Variants in FHIT observed in about 807,000 individuals in gnomAD.
The protein encoded by FHIT is bis(5'-adenosyl)-triphosphatase.
In FHIT, 19 loss-of-function variants were observed where a neutral mutation model predicts 17.9. The observed-to-expected ratio is 1.06, with a 90% CI of 0.74 to 1.56. The LOEUF is 1.56. Ranked by LOEUF, FHIT falls within the 40% of genes most tolerant of loss-of-function variation. FHIT has a pLI of 0.00. For synonymous variants in FHIT, 81 were observed against 69.7 expected (o/e 1.16, Z -0.81); for missense variants, 248 against 189.2 (o/e 1.31, Z -1.82).
intron 8 of FHIT, among the ~76,000 whole-genome samples, chr3:59,903,051 A>C (rs1285302982): frequency 2.0e-5 from 3 of 152,226 alleles, no homozygotes; most frequent in African/African-American, 7.2e-5. Context: ...ATCATCACAC[A>C]GTATATCTTA....
chr3:60,686,856 T>C (rs781806599), intron 4 of FHIT, among the ~76,000 whole-genome samples: 2 of 152,154 alleles, frequency 1.3e-5, no homozygotes, highest in African/African-American at 2.4e-5. Context: ...CTCAGGATAA[T>C]AGTCATAAGA....
chr3:61,209,154 T>A (rs1486805991), intron 1 of FHIT, among the ~76,000 whole-genome samples: 1 of 152,128 alleles, frequency 6.6e-6, no homozygotes, highest in Non-Finnish European at 1.5e-5. Context: ...CCCCACTCTC[T>A]TCTGGCTTGT....
intron 3 of FHIT, among the ~76,000 whole-genome samples, chr3:60,848,298 A>T (rs1327268164): frequency 6.6e-6 from 1 of 152,162 alleles, no homozygotes; most frequent in Non-Finnish European, 1.5e-5. Flanking sequence ...GTTTTCATTT[A>T]GAAACTATTG....
chr3:60,083,107 T>G lies in FHIT; in HGVS notation c.104-68955A>C, dbSNP rs768719106. On this transcript the variant is annotated intron_variant, in intron 5 of 9. Transcript: ENST00000492590. Reference sequence around the variant, plus strand: ...TTTTTATAGTTTAAGGTCTTACATTTAAATATTTAGTCAATTTTGAGGTAA... The same window carrying G: ...TTTTTATAGTTTAAGGTCTTACATTGAAATATTTAGTCAATTTTGAGGTAA... Among the ~76,000 whole-genome samples the G allele has an allele frequency of 7.2e-5, 11 of 152,310 alleles. No individual in the cohort carries two copies. In the East Asian group the frequency reaches 1.3e-3, roughly 19 times the overall value.
At chr3:59,983,764 T>C (rs79115389) in intron 7 of FHIT, among the ~76,000 whole-genome samples, 111 of 152,146 alleles carry the variant, frequency 7.3e-4, no homozygotes, top group African/African-American at 2.5e-3. Context: ...CAGAGAAGAA[T>C]GAGAGGATTG....
At chr3:60,332,947 C>A (rs2106861821) in intron 5 of FHIT, among the ~76,000 whole-genome samples, 1 of 152,244 alleles carries the variant, frequency 6.6e-6, no homozygotes, top group Admixed American at 6.5e-5. Context: ...ACTTTAAAAA[C>A]TTTAGGAACA....
intron 7 of FHIT, among the ~76,000 whole-genome samples, chr3:59,938,754 A>G (rs1198805798): frequency 2.6e-5 from 4 of 152,210 alleles, no homozygotes; most frequent in Non-Finnish European, 4.4e-5. Context: ...TCTTTTCAAA[A>G]TAAGTTTGAA....
At chr3:61,191,080 A>AT (rs2038700912) in intron 2 of FHIT, among the ~76,000 whole-genome samples, 1 of 150,460 alleles carries the variant, frequency 6.6e-6, no homozygotes. Context: ...TTAAAGTATA[A>AT]TAAAAAAAAA....
At chr3:61,097,878 A>G (rs1359938090) in intron 2 of FHIT, among the ~76,000 whole-genome samples, 11 of 151,764 alleles carry the variant, frequency 7.2e-5, no homozygotes, top group Admixed American at 7.2e-4. Context: ...GTTTGCAAAA[A>G]TTTTCTCCCA....
intron 4 of FHIT, among the ~76,000 whole-genome samples, chr3:60,729,264 A>G (rs1165519116): frequency 6.6e-6 from 1 of 152,250 alleles, no homozygotes; most frequent in Non-Finnish European, 1.5e-5. Context: ...AAGAGTGGAG[A>G]AAGTGGATGC....
At position 60,163,864 on chromosome 3, in the gene FHIT, T is replaced by C. The variant is rs116563728; in HGVS notation, c.104-149712A>G. 9.1e-3 allele frequency among the ~76,000 whole-genome samples: 1,384 copies of C among 152,278 alleles called. 26 individuals carry two copies. Among genetic ancestry groups the C allele is most frequent in the African/African-American group, 0.031 (1,293 of 41,566 alleles). On this transcript the variant is annotated intron_variant, in intron 5 of 9. Coordinates refer to ENST00000492590, the MANE Select transcript of FHIT (RefSeq NM_002012.4). Reference sequence around the variant, plus strand: ...CTCCTAGTTGGGAAACACTGATCTATTGCTCTTTAGAATCACTTTCCTTAT... The same window carrying C: ...CTCCTAGTTGGGAAACACTGATCTACTGCTCTTTAGAATCACTTTCCTTAT...
intron 8 of FHIT, among the ~76,000 whole-genome samples, chr3:59,820,693 G>C (rs193234866): frequency 1.4e-4 from 22 of 152,260 alleles, no homozygotes; most frequent in Admixed American, 1.4e-3. Flanking sequence ...TTTGTCACTG[G>C]GTACCTTGCA....
chr3:60,578,391 C>A (rs1456613616), intron 4 of FHIT, among the ~76,000 whole-genome samples: 1 of 149,914 alleles, frequency 6.7e-6, no homozygotes, highest in Non-Finnish European at 1.5e-5. Flanking sequence ...GAGCCGAGAT[C>A]TCACCACTGC....
intron 5 of FHIT, among the ~76,000 whole-genome samples, chr3:60,234,472 C>T (rs539501244): frequency 3.3e-5 from 5 of 152,004 alleles, no homozygotes; most frequent in Admixed American, 1.3e-4. Flanking sequence ...ATTCTGATAC[C>T]GAATATATAA....
intron 3 of FHIT, among the ~76,000 whole-genome samples, chr3:60,868,537 T>C (rs1483257703): frequency 6.6e-6 from 1 of 152,140 alleles, no homozygotes; most frequent in Non-Finnish European, 1.5e-5. Flanking sequence ...AAGAAGCCCT[T>C]TCTCATACAA....
intron 5 of FHIT, among the ~76,000 whole-genome samples, chr3:60,351,913 T>TA (rs1416226933): frequency 6.6e-6 from 1 of 152,184 alleles, no homozygotes; most frequent in African/African-American, 2.4e-5. Flanking sequence ...AGCTAGCTCT[T>TA]ACCCTGAAGA....
intron 5 of FHIT, among the ~76,000 whole-genome samples, chr3:60,286,530 C>T (rs1424229150): frequency 6.6e-6 from 1 of 152,124 alleles, no homozygotes; most frequent in African/African-American, 2.4e-5. Context: ...TACAGTAACT[C>T]TTATGGTACC....
chr3:61,232,863 A>G (rs2040139936), intron 1 of FHIT, among the ~76,000 whole-genome samples: 1 of 152,218 alleles, frequency 6.6e-6, no homozygotes, highest in Non-Finnish European at 1.5e-5. Context: ...ATAATGGAAC[A>G]TTATATAACA....
chr3:59,967,950 C>G (rs1004709387), intron 7 of FHIT, among the ~76,000 whole-genome samples: 1 of 152,110 alleles, frequency 6.6e-6, no homozygotes, highest in African/African-American at 2.4e-5. Flanking sequence ...ATCAGGATAT[C>G]TGCAAGTTAT....
Sources: allele counts gnomAD v4.1 joint callset (sites outside exome capture counted in the v4.1 genomes callset), GRCh38; gene constraint gnomAD v4.1.1; transcripts MANE v1.5; gene names NCBI Gene and HGNC (gene_info 2026-07-23, HGNC 2026-07-21).